The following DOCK1 variants were observed in gnomAD, a reference collection of about 807,000 sequenced individuals.
DOCK1 encodes the protein dedicator of cytokinesis 1, also known as dedicator of cytokinesis protein 1.
Under a neutral mutation model 262.7 loss-of-function variants are expected in DOCK1, and 138 were observed. That is an observed-to-expected ratio of 0.53 (90% confidence interval 0.46 to 0.61). DOCK1 has a LOEUF of 0.61. DOCK1 is among the 20% of genes least tolerant of loss of function. DOCK1 has a pLI of 0.00. For missense variants in DOCK1, 1,908 were observed against 2,370.7 expected (o/e 0.80, Z 4.05); for synonymous variants, 866 against 867.4 (o/e 1.00, Z 0.03).
At chr10:127,377,244 C>T (rs761349799) in intron 35 of DOCK1, among the ~76,000 whole-genome samples, 38 of 152,090 alleles carry the variant, frequency 2.5e-4, no homozygotes, top group Non-Finnish European at 5.1e-4. Flanking sequence ...GATAGGTGTC[C>T]TAACCATAGA....
At chr10:127,331,505 C>T (rs985865079) in intron 29 of DOCK1, among the ~76,000 whole-genome samples, 8 of 152,210 alleles carry the variant, frequency 5.3e-5, no homozygotes, top group African/African-American at 1.9e-4. Context: ...TGGTCTTGAA[C>T]TCCTGGCCTC....
At chr10:127,211,353 C>T (rs2057963365) in intron 27 of DOCK1, among the ~76,000 whole-genome samples, 1 of 152,178 alleles carries the variant, frequency 6.6e-6, no homozygotes, top group African/African-American at 2.4e-5. Flanking sequence ...GAGAGACACT[C>T]CTCTCAGCCA....
chr10:127,218,661 T>G (rs1399422417), intron 27 of DOCK1, among the ~76,000 whole-genome samples: 1 of 152,214 alleles, frequency 6.6e-6, no homozygotes, highest in Non-Finnish European at 1.5e-5. Flanking sequence ...TAAAATACAA[T>G]GTCTCTTACC....
intron 27 of DOCK1, chr10:127,145,976 GC>G (rs1420172770): frequency 1.9e-6 from 1 of 514,946 alleles, no homozygotes; most frequent in Admixed American, 2.0e-5. Flanking sequence ...GGAAGAACCT[GC>G]CCTGGGGACC....
Position 127,419,698 on chromosome 10 carries a change from C to G in DOCK1, c.4725C>G (p.His1575Gln). ...TTACAGACCGGTACCTGCAGGAGCA[C>G]CCTGAGGCCCATGAAAAGATCGAGA... ...AFFTDRYLQE[H>Q]PEAHEKIEKL... Residue 1575 changes from histidine to glutamine, a missense_variant, in exon 46 of 52, where the codon CAC becomes CAG. By Grantham distance (24) the His-to-Gln change is conservative (BLOSUM62 0). Coordinates refer to ENST00000623213, the MANE Select transcript of DOCK1 (RefSeq NM_001290223.2). 6.2e-7 allele frequency: 1 copy of G among 1,606,014 alleles called. No homozygotes were observed. The highest frequency in any genetic ancestry group is 2.2e-5 in the East Asian group (1 of 44,590).
rs377674155 is a variant in DOCK1 at position 127,424,947 on chromosome 10, A to C, written c.4777-927A>C. Among the ~76,000 whole-genome samples the C allele has an allele frequency of 1.6e-4, 25 of 152,276 alleles. No individual in the cohort carries two copies. The East Asian group carries it at 3.5e-3, about 21-fold the overall frequency. Reference sequence around the variant, plus strand: ...GAGAGGCAACAGCTGTGTGCTATAAATGGTAACCAAATACATTTGATGCGT... The same window carrying C: ...GAGAGGCAACAGCTGTGTGCTATAACTGGTAACCAAATACATTTGATGCGT... On this transcript the variant is annotated intron_variant, in intron 46 of 51. Transcript: ENST00000623213.
intron 1 of DOCK1, among the ~76,000 whole-genome samples, chr10:126,948,623 A>G (rs926343169): frequency 0.3 from 46,162 of 151,668 alleles, 7,446 homozygotes; most frequent in Non-Finnish European, 0.37. Context: ...GGAGAAGGAA[A>G]GTTTCCCGAT....
intron 10 of DOCK1, chr10:127,000,751 TCTCCGCCATGTTGGTGTTCTTC>T (rs150746141): frequency 0.2 from 32,241 of 159,050 alleles, 3,537 homozygotes; most frequent in Admixed American, 0.26. Flanking sequence ...TGGTGCTGTT[TCTCCGCCATGTTGGTGTTCTTC>T]CTCCGCCATG....
intron 25 of DOCK1, among the ~76,000 whole-genome samples, chr10:127,122,337 C>A (rs1391633583): frequency 5.3e-5 from 8 of 152,190 alleles, no homozygotes; most frequent in Non-Finnish European, 1.0e-4. Context: ...GCAGACTGAC[C>A]TTTGGCCTTT....
chr10:127,207,916 G>C (rs2057796480), intron 27 of DOCK1, among the ~76,000 whole-genome samples: 1 of 152,188 alleles, frequency 6.6e-6, no homozygotes. Flanking sequence ...ACCATATGTA[G>C]ACCCAAATTT....
intron 8 of DOCK1, 106 bp from the exon 9 acceptor site, chr10:126,999,248 T>C: frequency 1.3e-6 from 1 of 789,656 alleles, no homozygotes; most frequent in Non-Finnish European, 2.1e-6. Flanking sequence ...TCAATAGTTG[T>C]CTGTATAGTG....
chr10:127,386,228 G>A (rs918201053), intron 38 of DOCK1, among the ~76,000 whole-genome samples: 2 of 152,130 alleles, frequency 1.3e-5, no homozygotes, highest in Non-Finnish European at 2.9e-5. Context: ...AAAGTCTGAC[G>A]TTTTCAGAAT....
intron 1 of DOCK1, among the ~76,000 whole-genome samples, chr10:126,964,282 C>T (rs1022109981): frequency 2.9e-4 from 44 of 152,332 alleles, no homozygotes; most frequent in African/African-American, 1.1e-3. Flanking sequence ...GATTTCCTCT[C>T]TGGGGTTACA....
At chr10:127,049,074 A>G (rs985272580) in intron 21 of DOCK1, among the ~76,000 whole-genome samples, 2 of 152,318 alleles carry the variant, frequency 1.3e-5, no homozygotes, top group Admixed American at 6.5e-5. Context: ...GATTTTGTAT[A>G]TAAAAAGCCC....
intron 29 of DOCK1, among the ~76,000 whole-genome samples, chr10:127,331,380 C>G (rs1437555747): frequency 6.6e-6 from 1 of 152,202 alleles, no homozygotes; most frequent in Non-Finnish European, 1.5e-5. Flanking sequence ...CTCCCAGGTT[C>G]AAGCGATTCT....
intron 27 of DOCK1, among the ~76,000 whole-genome samples, chr10:127,217,357 G>A (rs1269439280): frequency 6.6e-6 from 1 of 152,312 alleles, no homozygotes; most frequent in African/African-American, 2.4e-5. Flanking sequence ...TGTATGGATT[G>A]TAATTCTCAT....
intron 1 of DOCK1, among the ~76,000 whole-genome samples, chr10:126,952,046 C>T: frequency 6.6e-6 from 1 of 151,994 alleles, no homozygotes; most frequent in African/African-American, 2.4e-5. Context: ...GATGGGATTT[C>T]ACCATGTTGG....
At chr10:126,947,300 T>C (rs888154544) in intron 1 of DOCK1, among the ~76,000 whole-genome samples, 12 of 142,154 alleles carry the variant, frequency 8.4e-5, no homozygotes, top group Middle Eastern at 3.5e-3. Flanking sequence ...GTTGGTAGTA[T>C]TACTGTTGGT....
intron 31 of DOCK1, among the ~76,000 whole-genome samples, chr10:127,348,613 C>T (rs1361617971): frequency 6.7e-6 from 1 of 148,590 alleles, no homozygotes; most frequent in African/African-American, 2.5e-5. Context: ...CCACCTGGTC[C>T]CTAGGCTGTT....
Sources: gnomAD v4.1 joint callset for allele counts (sites outside exome capture counted in the v4.1 genomes callset) on GRCh38, gnomAD v4.1.1 for gene constraint, MANE v1.5 for transcripts, NCBI Gene and HGNC (gene_info 2026-07-23, HGNC 2026-07-21) for gene names.